The following UNC13C variants were observed in gnomAD, a reference collection of about 807,000 sequenced individuals.
UNC13C encodes protein unc-13 homolog C.
In UNC13C, 174 loss-of-function variants were observed where a neutral mutation model predicts 245.4. The observed-to-expected ratio is 0.71, with a 90% CI of 0.63 to 0.80. The LOEUF is 0.80. Among genes scored for constraint, UNC13C ranks in the 30% least tolerant of loss-of-function variants. The pLI is 0.00. For missense variants in UNC13C, 2,829 were observed against 2,602.9 expected (o/e 1.09, Z -1.89); for synonymous variants, 992 against 895.1 (o/e 1.11, Z -1.93).
At chr15:54,195,535 G>T (rs1484338997) in intron 4 of UNC13C, among the ~76,000 whole-genome samples, 1 of 152,130 alleles carries the variant, frequency 6.6e-6, no homozygotes, top group Non-Finnish European at 1.5e-5. Context: ...AGCGCCTTTT[G>T]CACCATAGAT....
intron 2 of UNC13C, among the ~76,000 whole-genome samples, chr15:54,137,948 G>A (rs1347778145): frequency 2.0e-5 from 3 of 150,984 alleles, no homozygotes; most frequent in African/African-American, 7.3e-5. Flanking sequence ...TTTAAATGTG[G>A]GTATTTATCA....
intron 5 of UNC13C, 99 bp from the exon 6 acceptor site, chr15:54,236,331 G>T (rs553365757): frequency 1.2e-5 from 11 of 904,820 alleles, no homozygotes; most frequent in Non-Finnish European, 1.9e-5. Flanking sequence ...GGAAATAATT[G>T]TAAAGTGTTA....
chr15:54,156,884 G>GA (rs1028041379), intron 4 of UNC13C, among the ~76,000 whole-genome samples: 3 of 151,060 alleles, frequency 2.0e-5, no homozygotes, highest in South Asian at 2.1e-4. Flanking sequence ...TTATCATAAA[G>GA]AAAAAAAAGA....
intron 19 of UNC13C, among the ~76,000 whole-genome samples, chr15:54,485,906 C>A (rs75599816): frequency 6.6e-6 from 1 of 152,134 alleles, no homozygotes; most frequent in Non-Finnish European, 1.5e-5. Context: ...CATGAGCCAC[C>A]TTCCGTGAGC....
the UNC13C span, among the ~76,000 whole-genome samples, chr15:53,960,372 A>G: frequency 6.8e-6 from 1 of 148,038 alleles, no homozygotes; most frequent in African/African-American, 2.5e-5. Flanking sequence ...CTTGGGTTTT[A>G]TAGGATCGTA....
intron 30 of UNC13C, among the ~76,000 whole-genome samples, chr15:54,594,510 G>A (rs1386632411): frequency 6.6e-6 from 1 of 152,064 alleles, no homozygotes; most frequent in Non-Finnish European, 1.5e-5. Context: ...TGTGGCTGCT[G>A]TGGGGGATGG....
intron 18 of UNC13C, among the ~76,000 whole-genome samples, chr15:54,410,197 T>C (rs2040389130): frequency 6.6e-6 from 1 of 152,184 alleles, no homozygotes; most frequent in Non-Finnish European, 1.5e-5. Flanking sequence ...TCTGTTCATG[T>C]TCTTTGTTCA....
chr15:54,172,705 TATATATATATATATATATATATA>T (rs1567066965), intron 4 of UNC13C, among the ~76,000 whole-genome samples: 2 of 39,946 alleles, frequency 5.0e-5, no homozygotes, highest in Non-Finnish European at 8.1e-5. Context: ...CACACACAGA[TATATATATATATATATATATATA>T]TATATATATA....
chr15:53,938,705 G>T, the UNC13C span, among the ~76,000 whole-genome samples: 100,851 of 152,006 alleles, frequency 0.66, 33,694 homozygotes, highest in East Asian at 0.85. Flanking sequence ...AGAAATTCAC[G>T]GAAAACCACA....
intron 18 of UNC13C, among the ~76,000 whole-genome samples, chr15:54,399,522 C>T (rs765604638): frequency 3.3e-5 from 5 of 151,760 alleles, no homozygotes; most frequent in South Asian, 2.1e-4. Context: ...CTCATTTGTT[C>T]GCATGCATTG....
chr15:54,097,339 CAG>C (rs1263550925), intron 2 of UNC13C, among the ~76,000 whole-genome samples: 1 of 152,090 alleles, frequency 6.6e-6, no homozygotes, highest in African/African-American at 2.4e-5. Context: ...CAACTTGTCT[CAG>C]AGGTTTTTTT....
chr15:53,879,718 G>C, the UNC13C span, among the ~76,000 whole-genome samples: 1 of 152,090 alleles, frequency 6.6e-6, no homozygotes, highest in African/African-American at 2.4e-5. Context: ...CTCCCAAGTA[G>C]CTGGGATTAC....
At chr15:54,429,884 T>C (rs2040837452) in intron 19 of UNC13C, among the ~76,000 whole-genome samples, 1 of 151,654 alleles carries the variant, frequency 6.6e-6, no homozygotes, top group Admixed American at 6.6e-5. Flanking sequence ...ATGTAAGTGA[T>C]TTGATTTGGA....
chr15:54,123,722 G>A (rs2030838201), intron 2 of UNC13C, among the ~76,000 whole-genome samples: 1 of 152,048 alleles, frequency 6.6e-6, no homozygotes, highest in African/African-American at 2.4e-5. Flanking sequence ...GGTATAATGT[G>A]CAAGTATGGT....
chr15:54,473,871 CT>C (rs1245545983), intron 19 of UNC13C, among the ~76,000 whole-genome samples: 3 of 149,496 alleles, frequency 2.0e-5, no homozygotes, highest in African/African-American at 4.9e-5. Context: ...TTCTCATCAT[CT>C]TTCCCCCTCC....
chr15:54,122,535 C>G (rs1274080268), intron 2 of UNC13C, among the ~76,000 whole-genome samples: 1 of 151,880 alleles, frequency 6.6e-6, no homozygotes, highest in East Asian at 1.9e-4. Flanking sequence ...CAGTTTGATA[C>G]ATTTTTGGCT....
At chr15:54,616,523 C>T (rs991957084) in intron 30 of UNC13C, among the ~76,000 whole-genome samples, 1 of 151,870 alleles carries the variant, frequency 6.6e-6, no homozygotes, top group Non-Finnish European at 1.5e-5. Context: ...GATTCTGACC[C>T]TGTGTAGGCC....
intron 19 of UNC13C, among the ~76,000 whole-genome samples, chr15:54,459,830 A>C (rs1416812410): frequency 1.3e-5 from 2 of 150,662 alleles, no homozygotes; most frequent in Non-Finnish European, 3.0e-5. Flanking sequence ...GTTACTTTTC[A>C]CCTTTCTCTG....
chr15:54,540,921 AGTT>A (rs922514888), intron 26 of UNC13C, among the ~76,000 whole-genome samples: 5 of 152,064 alleles, frequency 3.3e-5, no homozygotes, highest in Non-Finnish European at 7.4e-5. Flanking sequence ...AAATTGGCAG[AGTT>A]GTTGTGTCTC....
Sources: allele counts gnomAD v4.1 joint callset (sites outside exome capture counted in the v4.1 genomes callset), GRCh38; gene constraint gnomAD v4.1.1; transcripts MANE v1.5; gene names NCBI Gene and HGNC (gene_info 2026-07-23, HGNC 2026-07-21).